The following SAXO1 variants were observed in gnomAD, a reference collection of about 807,000 sequenced individuals.
SAXO1 encodes stabilizer of axonemal microtubules 1.
Under a neutral mutation model 17.5 loss-of-function variants are expected in SAXO1, and 21 were observed. The ratio of observed to expected loss-of-function variants is 1.20; its 90% CI spans 0.85 to 1.72. SAXO1 has a LOEUF of 1.72. Ranked by LOEUF, SAXO1 falls within the 40% of genes most tolerant of loss-of-function variation. The pLI, the probability that SAXO1 is intolerant of heterozygous loss-of-function variation, is 0.00. For synonymous variants in SAXO1, 274 were observed against 216.5 expected (o/e 1.27, Z -2.33); for missense variants, 843 against 596.0 (o/e 1.41, Z -4.32).
chr9:19,035,333 T>C (rs1366817272), upstream of SAXO1, among the ~76,000 whole-genome samples: 2 of 152,194 alleles, frequency 1.3e-5, no homozygotes, highest in Non-Finnish European at 2.9e-5. Context: ...TCTTCATTTT[T>C]CTCTCTTGCC....
intron 1 of SAXO1, among the ~76,000 whole-genome samples, chr9:19,044,305 CA>C (rs1014760675): frequency 6.6e-6 from 1 of 151,870 alleles, no homozygotes; most frequent in Non-Finnish European, 1.5e-5. Flanking sequence ...AAATTAAAAA[CA>C]AAAAAAACTT....
At position 18,946,308 on chromosome 9, in the gene SAXO1, G is replaced by A. The variant is rs560617850; in HGVS notation, c.218+4450C>T. Among the ~76,000 whole-genome samples, 374 of 139,404 alleles carry A rather than the reference G, an allele frequency of 2.7e-3. 2 individuals are homozygous for A. Among genetic ancestry groups the A allele is most frequent in the African/African-American group, 9.5e-3 (332 of 34,956 alleles). 91.5% of individuals were successfully genotyped at this position (139,404 alleles called of 152,430 possible). A position where few individuals can be genotyped will look rare whatever the true frequency, so the allele number is the denominator to read the frequency against. On this transcript the variant is annotated intron_variant, in intron 2 of 3. Coordinates refer to ENST00000380534, the MANE Select transcript of SAXO1 (RefSeq NM_153707.4). The stretch of plus-strand genomic sequence containing the variant: ...AAAAAAAAAAAAAAAAAAAAAAAGA[G>A]GACCAAGTTTGAAGCAACCACGGAT...
At chr9:19,000,155 C>T (rs1834195839) in intron 1 of SAXO1, among the ~76,000 whole-genome samples, 1 of 150,916 alleles carries the variant, frequency 6.6e-6, no homozygotes, top group Non-Finnish European at 1.5e-5. Flanking sequence ...AAGTGAGGAG[C>T]ACCTCTGCCT....
intron 1 of SAXO1, among the ~76,000 whole-genome samples, chr9:19,030,697 AAAAT>A (rs1258337601): frequency 6.6e-6 from 1 of 152,084 alleles, no homozygotes; most frequent in Non-Finnish European, 1.5e-5. Context: ...CCATCTCAAA[AAAAT>A]AAAAAAAATA....
chr9:18,972,903 A>G (rs532400818), intron 1 of SAXO1, among the ~76,000 whole-genome samples: 69 of 152,330 alleles, frequency 4.5e-4, no homozygotes, highest in Admixed American at 1.5e-3. Context: ...GGCAAAGTCC[A>G]TTCACAGAAA....
intron 1 of SAXO1, among the ~76,000 whole-genome samples, chr9:18,989,295 C>T (rs1025395719): frequency 2.6e-5 from 4 of 152,176 alleles, no homozygotes; most frequent in African/African-American, 7.2e-5. Flanking sequence ...GCTCCTACAT[C>T]GGATACCAAG....
intron 1 of SAXO1, among the ~76,000 whole-genome samples, chr9:18,975,240 AAGCAGGGAG>A (rs1833098204): frequency 2.7e-5 from 4 of 150,888 alleles, no homozygotes; most frequent in Non-Finnish European, 4.4e-5. Context: ...CAGGCTGGGG[AAGCAGGGAG>A]AGTGCAGGCT....
chr9:18,990,150 C>T (rs753873621), intron 1 of SAXO1, among the ~76,000 whole-genome samples: 10 of 146,180 alleles, frequency 6.8e-5, no homozygotes, highest in Non-Finnish European at 1.4e-4. Context: ...CCTGCGCACA[C>T]CAAGCAGGAG....
intron 1 of SAXO1, among the ~76,000 whole-genome samples, chr9:18,954,421 C>T (rs934716963): frequency 3.3e-5 from 5 of 151,930 alleles, no homozygotes; most frequent in Admixed American, 2.0e-4. Context: ...ACTGCAGCCT[C>T]GACCTCCTGG....
chr9:19,022,133 CACGAACCCACGGGGAGAA>C (rs1835264919), intron 1 of SAXO1, among the ~76,000 whole-genome samples: 1 of 152,194 alleles, frequency 6.6e-6, no homozygotes, highest in African/African-American at 2.4e-5. Context: ...TCAGCAAGAC[CACGAACCCACGGGGAGAA>C]ACGAACAACT....
chr9:19,011,788 C>CTTCT (rs1024639525), intron 1 of SAXO1, among the ~76,000 whole-genome samples: 3 of 151,964 alleles, frequency 2.0e-5, no homozygotes, highest in African/African-American at 7.2e-5. Flanking sequence ...CCTCCCTCCT[C>CTTCT]TTCTTTCTCA....
At chr9:18,980,609 A>G (rs915529572) in intron 1 of SAXO1, among the ~76,000 whole-genome samples, 2 of 151,742 alleles carry the variant, frequency 1.3e-5, no homozygotes, top group South Asian at 4.2e-4. Flanking sequence ...CTGGGGCTAA[A>G]GAAATGTTTC....
chr9:18,979,677 A>G (rs1249954483), intron 1 of SAXO1, among the ~76,000 whole-genome samples: 1 of 152,194 alleles, frequency 6.6e-6, no homozygotes, highest in Non-Finnish European at 1.5e-5. Context: ...GGCTGAGAGG[A>G]TAACAGCCTA....
At chr9:18,996,950 A>T (rs980471654) in intron 1 of SAXO1, among the ~76,000 whole-genome samples, 3 of 152,176 alleles carry the variant, frequency 2.0e-5, no homozygotes, top group Admixed American at 2.0e-4. Flanking sequence ...CCCAAAAAAA[A>T]AATCTAGGCA....
At chr9:18,991,218 A>G (rs1833797224) in intron 1 of SAXO1, among the ~76,000 whole-genome samples, 1 of 152,158 alleles carries the variant, frequency 6.6e-6, no homozygotes. Context: ...AGATTGCACC[A>G]CTACACTCCT....
At chr9:19,000,862 G>A (rs1278024990) in intron 1 of SAXO1, among the ~76,000 whole-genome samples, 1 of 152,158 alleles carries the variant, frequency 6.6e-6, no homozygotes, top group African/African-American at 2.4e-5. Context: ...TAATGCTAAA[G>A]GGATCAATTC....
chr9:19,022,234 A>C (rs895832556), intron 1 of SAXO1, among the ~76,000 whole-genome samples: 1 of 152,198 alleles, frequency 6.6e-6, no homozygotes, highest in Non-Finnish European at 1.5e-5. Context: ...AGTCAGAGAG[A>C]TCACCAACCC....
chr9:18,969,257 C>T (rs141843547), intron 1 of SAXO1, among the ~76,000 whole-genome samples: 1 of 152,292 alleles, frequency 6.6e-6, no homozygotes, highest in African/African-American at 2.4e-5. Context: ...CTTCCCTTCT[C>T]ACACTCTGAA....
intron 1 of SAXO1, among the ~76,000 whole-genome samples, chr9:18,954,238 C>T (rs553400353): frequency 8.7e-4 from 133 of 152,230 alleles, no homozygotes; most frequent in Non-Finnish European, 1.6e-3. Flanking sequence ...GTAGTAGAGA[C>T]CTTATGATGG....
Sources: gnomAD v4.1 joint callset for allele counts (sites outside exome capture counted in the v4.1 genomes callset) on GRCh38, gnomAD v4.1.1 for gene constraint, MANE v1.5 for transcripts, NCBI Gene and HGNC (gene_info 2026-07-23, HGNC 2026-07-21) for gene names.